Variants in VPS13B observed in about 807,000 individuals in gnomAD.
VPS13B encodes intermembrane lipid transfer protein VPS13B.
VPS13B carries 285 observed loss-of-function variants against 426.4 expected under a neutral mutation model. The observed-to-expected ratio is 0.67, with a 90% confidence interval of 0.61 to 0.74. The LOEUF is 0.74. Among genes scored for constraint, VPS13B ranks in the 30% least tolerant of loss-of-function variants. The pLI is 0.00. For missense variants in VPS13B, 4,537 were observed against 4,782.6 expected (o/e 0.95, Z 1.51); for synonymous variants, 1,676 against 1,676.4 (o/e 1.00, Z 0.01).
At chr8:99,298,883 T>C (rs1181384737) in intron 19 of VPS13B, among the ~76,000 whole-genome samples, 3 of 152,198 alleles carry the variant, frequency 2.0e-5, no homozygotes, top group Non-Finnish European at 4.4e-5. Flanking sequence ...GTAGGGAATA[T>C]GAAGAGCTAG....
chr8:99,391,089 A>G (rs1358180944), intron 20 of VPS13B, among the ~76,000 whole-genome samples: 1 of 152,196 alleles, frequency 6.6e-6, no homozygotes, highest in Admixed American at 6.5e-5. Flanking sequence ...TCAGTTTGTA[A>G]AAGTATGTTT....
At chr8:99,450,635 C>A (rs1818146643) in intron 23 of VPS13B, among the ~76,000 whole-genome samples, 1 of 152,136 alleles carries the variant, frequency 6.6e-6, no homozygotes, top group African/African-American at 2.4e-5. Context: ...ATCGCTTGAA[C>A]CTGGGAGGCA....
intron 54 of VPS13B, among the ~76,000 whole-genome samples, chr8:99,836,927 C>A (rs1815426150): frequency 6.6e-6 from 1 of 152,210 alleles, no homozygotes; most frequent in Non-Finnish European, 1.5e-5. Flanking sequence ...GTCTAATTTG[C>A]ATGTAGTGGA....
intron 43 of VPS13B, among the ~76,000 whole-genome samples, chr8:99,792,856 A>C (rs371112912): frequency 6.6e-6 from 1 of 152,118 alleles, no homozygotes; most frequent in East Asian, 1.9e-4. Flanking sequence ...TGAGAGAGTA[A>C]ATGTGTGCTG....
At chr8:99,695,552 G>GT (rs1399884420) in intron 35 of VPS13B, among the ~76,000 whole-genome samples, 1 of 102,862 alleles carries the variant, frequency 9.7e-6, no homozygotes, top group Non-Finnish European at 1.9e-5. Flanking sequence ...CTGTGGTGGG[G>GT]TGGGGGGAGG....
chr8:99,028,626 C>A (rs1257846451), intron 2 of VPS13B, among the ~76,000 whole-genome samples: 2 of 129,580 alleles, frequency 1.5e-5, no homozygotes, highest in Admixed American at 7.2e-5. Flanking sequence ...GGGGCTGACC[C>A]CCCCCACCTC....
intron 19 of VPS13B, among the ~76,000 whole-genome samples, chr8:99,331,313 ACT>A (rs1810529899): frequency 6.6e-6 from 1 of 151,788 alleles, no homozygotes; most frequent in Admixed American, 6.6e-5. Flanking sequence ...TCATTGCGTT[ACT>A]CACTAGTCAT....
intron 14 of VPS13B, among the ~76,000 whole-genome samples, chr8:99,153,505 A>G (rs1173646062): frequency 2.0e-5 from 3 of 152,004 alleles, no homozygotes; most frequent in African/African-American, 7.2e-5. Context: ...AATTTGCATT[A>G]TATTTTTACA....
chr8:99,158,019 A>G (rs1022055553), intron 15 of VPS13B, among the ~76,000 whole-genome samples: 2 of 152,350 alleles, frequency 1.3e-5, no homozygotes, highest in African/African-American at 2.4e-5. Context: ...AGGTTGGTTC[A>G]TGAAGTGTAA....
intron 19 of VPS13B, chr8:99,341,090 A>C (rs1428439051): frequency 3.6e-6 from 1 of 276,734 alleles, no homozygotes; most frequent in East Asian, 1.0e-4. Flanking sequence ...TTCTTAACCC[A>C]TCCACCATCT....
At chr8:99,268,592 T>C (rs370907972) in intron 17 of VPS13B, among the ~76,000 whole-genome samples, 1 of 152,126 alleles carries the variant, frequency 6.6e-6, no homozygotes, top group African/African-American at 2.4e-5. Flanking sequence ...TTTTGGCCAA[T>C]TTCTCCCATT....
chr8:99,696,388 A>G, intron 35 of VPS13B: 1 of 318,144 alleles, frequency 3.1e-6, no homozygotes, highest in South Asian at 3.0e-5. Context: ...GATCCATGCC[A>G]AGATCGTGGT....
chr8:99,133,797 G>A (rs1348000962), intron 8 of VPS13B, among the ~76,000 whole-genome samples: 1 of 152,124 alleles, frequency 6.6e-6, no homozygotes, highest in Admixed American at 6.5e-5. Flanking sequence ...TGTTCATGGT[G>A]CCCCAAAATA....
intron 5 of VPS13B, among the ~76,000 whole-genome samples, chr8:99,109,866 A>G (rs1448083051): frequency 6.6e-6 from 1 of 152,180 alleles, no homozygotes; most frequent in Non-Finnish European, 1.5e-5. Context: ...GATGTAAAAG[A>G]CTTAGTGTAG....
rs1292932616 is a variant in VPS13B at position 99,442,634 on chromosome 8, A to C, written c.3444A>C (p.Glu1148Asp). 2 of 1,613,434 alleles carry C rather than the reference A, an allele frequency of 1.2e-6. No individual in the cohort carries two copies. The highest frequency in any genetic ancestry group is 1.7e-6 in the Non-Finnish European group (2 of 1,179,572). The change falls in exon 23 of 62, where the codon GAA becomes GAC. Residue 1148 changes from glutamate to aspartate, a missense_variant and splice_region_variant. Coordinates refer to ENST00000357162, the MANE Select transcript of VPS13B (RefSeq NM_152564.5). ...TTATCCCACGACCCATCCTTGAAGAAGGTATATGTTAACATTTTTTTCCTA... is the reference window on the plus strand; with the variant it reads ...TTATCCCACGACCCATCCTTGAAGACGGTATATGTTAACATTTTTTTCCTA... The part of the protein sequence containing the change: ...PFVIPRPILE[E>D]GDAFPWTISL...
At chr8:99,676,715 T>C (rs144716147) in intron 35 of VPS13B, among the ~76,000 whole-genome samples, 4 of 152,168 alleles carry the variant, frequency 2.6e-5, no homozygotes, top group African/African-American at 9.6e-5. Context: ...TGAATAGTTG[T>C]TCAACATGAT....
chr8:99,339,287 C>T (rs1289431556), intron 19 of VPS13B, among the ~76,000 whole-genome samples: 1 of 152,000 alleles, frequency 6.6e-6, no homozygotes, highest in Admixed American at 6.6e-5. Context: ...GTTTGATTGG[C>T]TCACAGTAGG....
intron 35 of VPS13B, among the ~76,000 whole-genome samples, chr8:99,671,152 G>A (rs1042818575): frequency 2.0e-5 from 3 of 152,036 alleles, no homozygotes; most frequent in East Asian, 1.9e-4. Flanking sequence ...CACTTGTTAT[G>A]TTTTGTCTTT....
chr8:99,367,924 G>A (rs1012221811), intron 19 of VPS13B, among the ~76,000 whole-genome samples: 2 of 152,186 alleles, frequency 1.3e-5, no homozygotes, highest in Non-Finnish European at 2.9e-5. Context: ...AAAGTGCTGG[G>A]ATTACAGGCG....
Sources: gnomAD v4.1 joint callset for allele counts (sites outside exome capture counted in the v4.1 genomes callset) on GRCh38, gnomAD v4.1.1 for gene constraint, MANE v1.5 for transcripts, NCBI Gene and HGNC (gene_info 2026-07-23, HGNC 2026-07-21) for gene names.